ZBTB25: variants seen among roughly 807,000 people sequenced by gnomAD.
The protein encoded by ZBTB25 is zinc finger and BTB domain-containing protein 25.
Under a neutral mutation model 34.2 loss-of-function variants are expected in ZBTB25, and 20 were observed. The ratio of observed to expected loss-of-function variants is 0.58; its 90% CI spans 0.41 to 0.85. The LOEUF is 0.85. ZBTB25 is among the 40% of genes least tolerant of loss of function. The pLI, the probability that ZBTB25 is intolerant of heterozygous loss-of-function variation, is 0.00. For synonymous variants in ZBTB25, 175 were observed against 186.4 expected, an observed-to-expected ratio of 0.94 and a Z score of 0.50; for missense variants, 437 against 521.8, an observed-to-expected ratio of 0.84 and a Z score of 1.58.
intron 1 of ZBTB25, among the ~76,000 whole-genome samples, chr14:64,491,559 T>G (rs1167877477): frequency 6.6e-6 from 1 of 152,044 alleles, no homozygotes; most frequent in African/African-American, 2.4e-5. Context: ...AAAGGCAAGG[T>G]GGAACAACTG....
At chr14:64,459,743 T>C in intron 2 of ZBTB25, 1 of 1,528,364 alleles carries the variant, frequency 6.5e-7, no homozygotes. Flanking sequence ...CATTTATTTC[T>C]TGTTTTTCCT....
intron 2 of ZBTB25, among the ~76,000 whole-genome samples, chr14:64,450,871 C>G (rs1366695981): frequency 6.6e-6 from 1 of 152,004 alleles, no homozygotes; most frequent in Non-Finnish European, 1.5e-5. Context: ...CCAAGCCTGG[C>G]TAATTTGTTT....
At chr14:64,474,391 A>G (rs1337410663), downstream of ZBTB25, 1 of 167,084 alleles carries the variant, frequency 6.0e-6, no homozygotes, top group African/African-American at 2.4e-5. Flanking sequence ...AATTAGTACT[A>G]AATTACTATG....
chr14:64,490,498 C>T lies in ZBTB25; in HGVS notation c.36G>A (p.Gln12=). 1 of 1,613,522 alleles carries T rather than the reference C, an allele frequency of 6.2e-7. No homozygotes were observed. Among genetic ancestry groups the T allele is most frequent in the Admixed American group, 1.7e-5 (1 of 59,958 alleles). The change falls in exon 2 of 3, where the codon CAG becomes CAA. Residue 12 remains glutamine, a synonymous_variant. Coordinates refer to ENST00000608382, the MANE Select transcript of ZBTB25 (RefSeq NM_006977.5). Reference sequence around the variant, plus strand: ...CAAATTCTCGCTGCATGTTCAGCTGCTGGAGAAGAACAAGGCTATGGCTGG... The same window carrying T: ...CAAATTCTCGCTGCATGTTCAGCTGTTGGAGAAGAACAAGGCTATGGCTGG... ...DTASHSLVLL[Q]QLNMQREFGF...
Position 64,487,258 on chromosome 14 carries a change from C to G in ZBTB25, c.973G>C (p.Val325Leu), listed in dbSNP as rs753284975. ...TCTGTGTCTTTGGAGATCAAAGATA[C>G]TTGACTGATCTGCAAAGGCTCTGTG... is the stretch of plus-strand genomic sequence containing the variant. ...GTTEPLQISQVSLISKDTEPV... is the reference protein window; with the variant it reads ...GTTEPLQISQLSLISKDTEPV... Residue 325 changes from valine (V) to leucine (L), a missense_variant, in exon 3 of 3, where the codon GTA becomes CTA. Transcript: ENST00000608382. 22 of 1,614,026 alleles carry G rather than the reference C, an allele frequency of 1.4e-5. 1 individual carries two copies. The East Asian group carries it at 4.9e-4, about 36-fold the overall frequency.
Position 64,503,777 on chromosome 14 carries a change from T to G in ZBTB25, c.-124A>C. On this transcript the variant is annotated 5_prime_UTR_variant, in exon 1 of 3. Coordinates refer to ENST00000608382, the MANE Select transcript of ZBTB25 (RefSeq NM_006977.5). ...ACCCCTCGGCCGCCTCTCGCGCGGC[T>G]TCCCGCGCCGGCAGCCCGCGATGGC... 4.4e-6 allele frequency: 1 copy of G among 227,704 alleles called. No individual in the cohort carries two copies. The highest frequency in any genetic ancestry group is 7.3e-6 in the Non-Finnish European group (1 of 137,096). 14.1% of individuals were successfully genotyped at this position (227,704 alleles called of 1,614,324 possible). A position where few individuals can be genotyped will look rare whatever the true frequency, so the allele number is the denominator to read the frequency against.
At position 64,485,388 on chromosome 14, in the gene ZBTB25, T is replaced by C. The variant is rs1256422871; in HGVS notation, c.*1535A>G. 5 of 985,348 alleles carry C rather than the reference T, an allele frequency of 5.1e-6. No individual in the cohort carries two copies. The African/African-American group carries it at 8.7e-5, about 17-fold the overall frequency. 61.0% of individuals were successfully genotyped at this position (985,348 alleles called of 1,614,324 possible). A position where few individuals can be genotyped will look rare whatever the true frequency, so the allele number is the denominator to read the frequency against. On this transcript the variant is annotated 3_prime_UTR_variant, in exon 3 of 3. Coordinates refer to ENST00000608382, the MANE Select transcript of ZBTB25 (RefSeq NM_006977.5). ...GCAAAAAAAGATGAGTCTGTTTTAT[T>C]ATCCTTGACTATGCGGGGTTTGAAA...
chr14:64,468,630 G>A (rs1281635832), intron 2 of ZBTB25: 1 of 1,613,922 alleles, frequency 6.2e-7, no homozygotes, highest in Non-Finnish European at 8.5e-7. Flanking sequence ...CGGGGGGCCT[G>A]GGCCTCACTC....
At chr14:64,474,194 A>T (rs535162729), downstream of ZBTB25, 1 of 167,220 alleles carries the variant, frequency 6.0e-6, no homozygotes, top group African/African-American at 2.4e-5. Context: ...GGTGTGGGGA[A>T]GGTGGTGATC....
chr14:64,488,285 A>G (rs1369064040), intron 2 of ZBTB25, among the ~76,000 whole-genome samples: 1 of 152,174 alleles, frequency 6.6e-6, no homozygotes, highest in Admixed American at 6.6e-5. Flanking sequence ...TAGGAAACAC[A>G]GACATACATT....
intron 1 of ZBTB25, among the ~76,000 whole-genome samples, chr14:64,498,856 G>A (rs1271354569): frequency 1.3e-5 from 2 of 151,118 alleles, no homozygotes; most frequent in African/African-American, 2.4e-5. Flanking sequence ...GGATGGTCTC[G>A]ATTTCCTGAC....
chr14:64,452,939 T>C (rs2078399394), intron 2 of ZBTB25, among the ~76,000 whole-genome samples: 1 of 151,962 alleles, frequency 6.6e-6, no homozygotes, highest in South Asian at 2.1e-4. Flanking sequence ...CAGGCTGGTT[T>C]CAAACTCCTG....
At chr14:64,493,887 G>A (rs1174237889) in intron 1 of ZBTB25, among the ~76,000 whole-genome samples, 8 of 151,820 alleles carry the variant, frequency 5.3e-5, no homozygotes. Context: ...TTTCACTTCA[G>A]ACACTCTGAG....
chr14:64,478,369 A>G lies in ZBTB25; in HGVS notation c.*8554T>C, dbSNP rs2078739641. 6.6e-6 allele frequency: 1 copy of G among 152,254 alleles called. No individual in the cohort carries two copies. The highest frequency in any genetic ancestry group is 1.5e-5 in the Non-Finnish European group (1 of 68,052). The allele number at this position is 152,254 out of a possible 1,614,324, so 9.4% of individuals were successfully genotyped here. ...AATGGGTTGGAAAGTATGAGAGAAG[A>G]AAGTCAGTTGTTGAACCACAGTTGG... On this transcript the variant is annotated 3_prime_UTR_variant, in exon 3 of 3. Coordinates refer to ENST00000608382, the MANE Select transcript of ZBTB25 (RefSeq NM_006977.5).
chr14:64,487,358 G>A lies in ZBTB25; in HGVS notation c.873C>T (p.Ala291=), dbSNP rs754161443. 3 of 1,614,026 alleles carry A rather than the reference G, an allele frequency of 1.9e-6. No individual in the cohort carries two copies. The highest frequency in any genetic ancestry group is 2.5e-6 in the Non-Finnish European group (3 of 1,179,980). Reference sequence around the variant, plus strand: ...AGGAGCTGAGCCTGCGGCATTCAAGGGCCTCGCTGTTTTCATTAAGGGGAT... The same window carrying A: ...AGGAGCTGAGCCTGCGGCATTCAAGAGCCTCGCTGTTTTCATTAAGGGGAT... ...EVHPLNENSE[A]LECRRLSSFI... is the part of the protein sequence containing the mutation. The change falls in exon 3 of 3, where the codon GCC becomes GCT. Residue 291 remains alanine, a synonymous_variant. Coordinates refer to ENST00000608382, the MANE Select transcript of ZBTB25 (RefSeq NM_006977.5).
Position 64,469,098 on chromosome 14 carries a change from C to G in ZBTB25, c.174-19460G>C, listed in dbSNP as rs758946070. The G allele has an allele frequency of 5.3e-5, 86 of 1,613,678 alleles. No homozygotes were observed. Among genetic ancestry groups the G allele is most frequent in the Non-Finnish European group, 6.7e-5 (79 of 1,179,940 alleles). On this transcript the variant is annotated intron_variant, in intron 2 of 2. Coordinates refer to the ZBTB25 transcript ENST00000555220. ...ACTCTAATCCTTGAAGAAATTGAAA[C>G]GATCAAGGAAAAACAAGATGTTCAA...
chr14:64,491,743 A>C (rs1004786956), intron 1 of ZBTB25, among the ~76,000 whole-genome samples: 8 of 152,106 alleles, frequency 5.3e-5, no homozygotes, highest in African/African-American at 1.9e-4. Context: ...GCTGTAGTAT[A>C]AAGGGCATCA....
chr14:64,454,797 C>T (rs2078438814), intron 2 of ZBTB25: 1 of 1,613,998 alleles, frequency 6.2e-7, no homozygotes, highest in South Asian at 1.1e-5. Context: ...AAAAAGGTGT[C>T]CCTACAGGCT....
At chr14:64,468,007 T>C (rs1483725727) in intron 2 of ZBTB25, 1 of 155,742 alleles carries the variant, frequency 6.4e-6, no homozygotes, top group Admixed American at 6.3e-5. Flanking sequence ...TATTCTCCAG[T>C]CATTTCATTA....
Sources: gnomAD v4.1 joint callset for allele counts (sites outside exome capture counted in the v4.1 genomes callset) on GRCh38, gnomAD v4.1.1 for gene constraint, MANE v1.5 for transcripts, NCBI Gene and HGNC (gene_info 2026-07-23, HGNC 2026-07-21) for gene names.